AGMO: variants seen among roughly 807,000 people sequenced by gnomAD.
AGMO encodes the protein glyceryl-ether monooxygenase.
In AGMO, 75 loss-of-function variants were observed where a neutral mutation model predicts 60.2. The ratio of observed to expected loss-of-function variants is 1.25; its 90% CI spans 1.03 to 1.51. The LOEUF (loss-of-function observed/expected upper bound fraction) is 1.51. AGMO is among the 40% of genes most tolerant of loss of function. The pLI, the probability that AGMO is intolerant of heterozygous loss-of-function variation, is 0.00. For missense variants in AGMO, 763 were observed against 525.5 expected (o/e 1.45, Z -4.42); for synonymous variants, 261 against 177.1 (o/e 1.47, Z -3.76).
At chr7:15,446,791 T>A (rs1227545909) in intron 3 of AGMO, among the ~76,000 whole-genome samples, 1 of 152,126 alleles carries the variant, frequency 6.6e-6, no homozygotes, top group Non-Finnish European at 1.5e-5. Flanking sequence ...TTGTAAAGAG[T>A]TTTTATTTTC....
Position 15,390,542 on chromosome 7 carries a change from T to C in AGMO, c.822+129A>G, listed in dbSNP as rs553518122. 5 of 563,946 alleles carry C rather than the reference T, an allele frequency of 8.9e-6. No individual in the cohort carries two copies. In the South Asian group the frequency reaches 1.9e-4, roughly 22 times the overall value. The allele number at this position is 563,946 out of a possible 1,614,324, so 34.9% of individuals were successfully genotyped here. ...GTGTAACAAAGAGTTATTTGTAAATTTTTTAACAGTTAAAAATTTTTTCAG... is the reference window on the plus strand; with the variant it reads ...GTGTAACAAAGAGTTATTTGTAAATCTTTTAACAGTTAAAAATTTTTTCAG... On this transcript the variant is annotated intron_variant, in intron 8 of 12. Coordinates refer to ENST00000342526, the MANE Select transcript of AGMO (RefSeq NM_001004320.2).
intron 12 of AGMO, among the ~76,000 whole-genome samples, chr7:15,289,997 G>A (rs1784214271): frequency 8.1e-6 from 1 of 123,824 alleles, no homozygotes; most frequent in Non-Finnish European, 1.6e-5. Context: ...TGTTGCCCAG[G>A]ATGGACAGTG....
At chr7:15,285,188 C>T (rs1216624335) in intron 12 of AGMO, among the ~76,000 whole-genome samples, 1 of 151,732 alleles carries the variant, frequency 6.6e-6, no homozygotes, top group Non-Finnish European at 1.5e-5. Context: ...TGTCCACTTT[C>T]ACTACTTCTA....
chr7:15,500,792 T>G (rs1010864635), intron 3 of AGMO, among the ~76,000 whole-genome samples: 13 of 151,950 alleles, frequency 8.6e-5, no homozygotes, highest in African/African-American at 3.1e-4. Context: ...GTTCTTAATT[T>G]GAGATCTTTC....
intron 3 of AGMO, among the ~76,000 whole-genome samples, chr7:15,440,777 T>C (rs1781533456): frequency 6.6e-6 from 1 of 152,174 alleles, no homozygotes; most frequent in Non-Finnish European, 1.5e-5. Flanking sequence ...TACTAACCAA[T>C]AAAAAATGTG....
chr7:15,470,249 T>C (rs1782414910), intron 3 of AGMO, among the ~76,000 whole-genome samples: 1 of 152,012 alleles, frequency 6.6e-6, no homozygotes, highest in Admixed American at 6.6e-5. Flanking sequence ...TATTTAACCA[T>C]TGTAGGAAGA....
chr7:15,398,699 T>G (rs1784474732), intron 5 of AGMO, among the ~76,000 whole-genome samples: 1 of 152,080 alleles, frequency 6.6e-6, no homozygotes, highest in South Asian at 2.1e-4. Context: ...TTTTTAGAAG[T>G]TATTTGTTTG....
intron 3 of AGMO, among the ~76,000 whole-genome samples, chr7:15,432,379 T>TATATATATATATATATAC (rs373845365): frequency 5.9e-5 from 8 of 136,186 alleles, no homozygotes; most frequent in East Asian, 2.1e-4. Flanking sequence ...CATATATATA[T>TATATATATATATATATAC]ACACTATCTG....
intron 12 of AGMO, among the ~76,000 whole-genome samples, chr7:15,317,241 A>C (rs2128535608): frequency 6.6e-6 from 1 of 152,258 alleles, no homozygotes; most frequent in South Asian, 2.1e-4. Context: ...GTTTAAGATT[A>C]TTTTTATGGT....
chr7:15,552,385 C>T (rs1018918617), intron 2 of AGMO, among the ~76,000 whole-genome samples: 2 of 152,202 alleles, frequency 1.3e-5, no homozygotes, highest in East Asian at 1.9e-4. Context: ...GAACAGGCAA[C>T]CTACAAAATG....
intron 12 of AGMO, among the ~76,000 whole-genome samples, chr7:15,302,501 G>A (rs148524258): frequency 1.3e-5 from 2 of 152,094 alleles, no homozygotes; most frequent in Middle Eastern, 3.4e-3. Context: ...AACTTAATAA[G>A]AACAAACTTC....
intron 12 of AGMO, among the ~76,000 whole-genome samples, chr7:15,320,511 C>G (rs1781076214): frequency 6.6e-6 from 1 of 152,054 alleles, no homozygotes; most frequent in Non-Finnish European, 1.5e-5. Flanking sequence ...CTTTTGATAT[C>G]TCAACTCTCC....
At chr7:15,338,333 AAT>A (rs1365993878) in intron 12 of AGMO, among the ~76,000 whole-genome samples, 1 of 152,226 alleles carries the variant, frequency 6.6e-6, no homozygotes, top group Non-Finnish European at 1.5e-5. Context: ...CTGAACATTT[AAT>A]AGTTATATAC....
chr7:15,480,299 A>G (rs1041373323), intron 3 of AGMO, among the ~76,000 whole-genome samples: 4 of 152,208 alleles, frequency 2.6e-5, no homozygotes, highest in Admixed American at 2.6e-4. Context: ...TGTTAAGGAC[A>G]TCTTCAGGTT....
At chr7:15,439,804 G>A (rs112551119) in intron 3 of AGMO, among the ~76,000 whole-genome samples, 2,046 of 152,126 alleles carry the variant, frequency 0.013, 42 homozygotes, top group African/African-American at 0.048. Context: ...AAAGAGTTGC[G>A]TGATATAGTG....
At chr7:15,210,871 G>A (rs769067207) in intron 12 of AGMO, among the ~76,000 whole-genome samples, 2 of 152,024 alleles carry the variant, frequency 1.3e-5, no homozygotes, top group African/African-American at 2.4e-5. Flanking sequence ...AAAAGCAGCA[G>A]AGAAAATATT....
At chr7:15,367,373 G>C (rs748822966) in intron 10 of AGMO, among the ~76,000 whole-genome samples, 25 of 151,688 alleles carry the variant, frequency 1.6e-4, no homozygotes, top group Non-Finnish European at 2.7e-4. Context: ...CTATTTTACA[G>C]CTTCTATGGC....
At chr7:15,422,311 A>G (rs2128495364) in intron 4 of AGMO, among the ~76,000 whole-genome samples, 1 of 152,166 alleles carries the variant, frequency 6.6e-6, no homozygotes, top group South Asian at 2.1e-4. Flanking sequence ...TACTATATTT[A>G]TGGCTTATTC....
intron 10 of AGMO, among the ~76,000 whole-genome samples, chr7:15,380,494 C>T (rs534395631): frequency 6.6e-6 from 1 of 152,198 alleles, no homozygotes; most frequent in Admixed American, 6.5e-5. Context: ...CAAAACACTA[C>T]TCAAAGAAAT....
Sources: allele counts gnomAD v4.1 joint callset (sites outside exome capture counted in the v4.1 genomes callset), GRCh38; gene constraint gnomAD v4.1.1; transcripts MANE v1.5; gene names NCBI Gene and HGNC (gene_info 2026-07-23, HGNC 2026-07-21).